The following TECPR2 variants were observed in gnomAD, a reference collection of about 807,000 sequenced individuals.
The protein encoded by TECPR2 is tectonin beta-propeller repeat containing 2, also known as tectonin beta-propeller repeat-containing protein 2.
A neutral mutation model predicts 138.1 loss-of-function variants in TECPR2; 65 were observed. That is an observed-to-expected ratio of 0.47 (90% CI 0.39 to 0.58). TECPR2 has a LOEUF of 0.58. TECPR2 is among the 20% of genes least tolerant of loss of function. The pLI, the probability that TECPR2 is intolerant of heterozygous loss-of-function variation, is 0.00. For synonymous variants in TECPR2, 746 were observed against 749.8 expected, an observed-to-expected ratio of 0.99 and a Z score of 0.08; for missense variants, 1,553 against 1,824.5, an observed-to-expected ratio of 0.85 and a Z score of 2.71.
intron 16 of TECPR2, among the ~76,000 whole-genome samples, chr14:102,464,892 G>A (rs1890512808): frequency 1.3e-5 from 2 of 152,164 alleles, no homozygotes. Context: ...GCCGTGTGGC[G>A]CCTGGCAGGT....
chr14:102,443,767 A>ACCGGGAGGGCGTGAGCAGCTTCTGT lies in TECPR2; in HGVS notation c.2878_2902dup (p.Glu968GlyfsTer16). 6.2e-7 allele frequency: 1 copy of ACCGGGAGGGCGTGAGCAGCTTCTGT among 1,609,872 alleles called. No individual in the cohort carries two copies. Among genetic ancestry groups the ACCGGGAGGGCGTGAGCAGCTTCTGT allele is most frequent in the Non-Finnish European group, 8.5e-7 (1 of 1,176,958 alleles). ...CTGACAGAGCAGAGGGCCCTCCTGT[A>ACCGGGAGGGCGTGAGCAGCTTCTGT]CCGGGAGGGCGTGAGCAGCTTCTGT... On this transcript the variant is annotated frameshift_variant, in exon 12 of 20. Transcript: ENST00000359520. LOFTEE classifies it high-confidence loss of function. This position sits in a 1 kb window ranked among gnomAD's most constrained non-coding sequence, Gnocchi z 4.9.
chr14:102,416,116 C>T (rs1295541205), intron 5 of TECPR2, among the ~76,000 whole-genome samples: 2 of 152,052 alleles, frequency 1.3e-5, no homozygotes. Flanking sequence ...CTTCTTTTTT[C>T]TTTTTCTTTT....
At chr14:102,494,654 G>A (rs1891234143) in intron 17 of TECPR2, among the ~76,000 whole-genome samples, 1 of 151,230 alleles carries the variant, frequency 6.6e-6, no homozygotes, top group Admixed American at 6.6e-5. Flanking sequence ...GAGAAACCCC[G>A]TCTCTACTAA....
At chr14:102,410,718 T>G (rs910849166) in intron 4 of TECPR2, among the ~76,000 whole-genome samples, 2 of 152,200 alleles carry the variant, frequency 1.3e-5, no homozygotes, top group East Asian at 3.8e-4. Flanking sequence ...AAAAAAAACT[T>G]GTCATCCCTA....
At chr14:102,457,822 A>T (rs917683293) in intron 16 of TECPR2, among the ~76,000 whole-genome samples, 7 of 148,596 alleles carry the variant, frequency 4.7e-5, no homozygotes, top group Non-Finnish European at 4.4e-5. Context: ...GCCTCCCCCA[A>T]TTGTGCTCTT....
intron 4 of TECPR2, among the ~76,000 whole-genome samples, chr14:102,411,214 C>T (rs1410818847): frequency 1.3e-5 from 2 of 152,278 alleles, no homozygotes; most frequent in African/African-American, 4.8e-5. Flanking sequence ...CATACCACCC[C>T]CCAAAAATTT....
intron 1 of TECPR2, among the ~76,000 whole-genome samples, chr14:102,371,992 G>A (rs1887519262): frequency 6.6e-6 from 1 of 151,966 alleles, no homozygotes; most frequent in East Asian, 1.9e-4. Context: ...TTACTTCTTT[G>A]TCCTTTTATT....
chr14:102,469,852 T>C (rs1428379269), intron 17 of TECPR2, among the ~76,000 whole-genome samples: 2 of 152,226 alleles, frequency 1.3e-5, no homozygotes, highest in Non-Finnish European at 1.5e-5. Flanking sequence ...ATTGAGATGG[T>C]CATCTGGTTT....
In TECPR2 at chr14:102,434,413, T is replaced by G. The variant is rs1169469467; in HGVS notation, c.1596T>G (p.Gly532=). The G allele has an allele frequency of 6.5e-7, 1 of 1,528,508 alleles. No homozygotes were observed. The highest frequency in any genetic ancestry group is 1.4e-5 in the African/African-American group (1 of 72,076). The allele number at this position is 1,528,508 out of a possible 1,614,324, so 94.7% of individuals were successfully genotyped here. ...CAGACCAGGAAAGCAGCTTCAATGG[T>G]GAAGTGAACGGTGTCCCACAGGAAA... ...ESPDQESSFN[G]EVNGVPQENT... is the part of the protein sequence containing the mutation. Residue 532 remains glycine, a synonymous_variant, in exon 9 of 20, where the codon GGT becomes GGG. Transcript: ENST00000359520.
At chr14:102,462,617 C>T (rs955310287) in intron 16 of TECPR2, among the ~76,000 whole-genome samples, 14 of 152,202 alleles carry the variant, frequency 9.2e-5, no homozygotes, top group African/African-American at 3.1e-4. Context: ...GGTGGTACCT[C>T]CCGATTCTGC....
chr14:102,431,368 A>C (rs1348460867), intron 7 of TECPR2, among the ~76,000 whole-genome samples: 1 of 102,470 alleles, frequency 9.8e-6, no homozygotes, highest in Non-Finnish European at 1.9e-5. Context: ...TTTGAGACGG[A>C]GTCTCACTGT....
intron 17 of TECPR2, among the ~76,000 whole-genome samples, chr14:102,483,956 CTGGCTGATTCTTATATTTTCAGTAGAG>C (rs1890958890): frequency 1.3e-5 from 1 of 78,920 alleles, no homozygotes; most frequent in African/African-American, 6.2e-5. Flanking sequence ...GCCACCATGC[CTGGCTGATTCTTATATTTTCAGTAGAG>C]ACAAGGTTTC....
Position 102,434,231 on chromosome 14 carries a change from T to A in TECPR2, c.1418-4T>A. ...TTATTTTGAATGTTCTTATTCTGAATTAGAAGGTGGAAGCAGGAGCACCTG... is the reference window on the plus strand; with the variant it reads ...TTATTTTGAATGTTCTTATTCTGAAATAGAAGGTGGAAGCAGGAGCACCTG... On this transcript the variant is annotated splice_polypyrimidine_tract_variant and splice_region_variant and intron_variant, in intron 8 of 19. Coordinates refer to ENST00000359520, the MANE Select transcript of TECPR2 (RefSeq NM_014844.5). 7.3e-7 allele frequency: 1 copy of A among 1,365,076 alleles called. No individual in the cohort carries two copies. Among genetic ancestry groups the A allele is most frequent in the Non-Finnish European group, 9.5e-7 (1 of 1,052,366 alleles). The allele number at this position is 1,365,076 out of a possible 1,614,324, so 84.6% of individuals were successfully genotyped here.
At chr14:102,473,450 CTTTGT>C (rs1321199139) in intron 17 of TECPR2, among the ~76,000 whole-genome samples, 1 of 152,194 alleles carries the variant, frequency 6.6e-6, no homozygotes, top group Non-Finnish European at 1.5e-5. Flanking sequence ...CATCTTTCCA[CTTTGT>C]TTTATTTGTT....
chr14:102,442,398 G>T (rs977420042), intron 11 of TECPR2, among the ~76,000 whole-genome samples: 1 of 152,200 alleles, frequency 6.6e-6, no homozygotes, highest in African/African-American at 2.4e-5. Flanking sequence ...AGCCATGCTG[G>T]CTTCATAGGC....
chr14:102,383,957 G>A (rs989652172), intron 2 of TECPR2, among the ~76,000 whole-genome samples: 3 of 139,930 alleles, frequency 2.1e-5, no homozygotes, highest in Non-Finnish European at 4.6e-5. Flanking sequence ...TTTCGCTCTT[G>A]TTGCCTAGCC....
rs1370960480 is a variant in TECPR2, at chr14:102,498,173, C to T, written c.4152C>T (p.Phe1384=). The part of the protein sequence containing the change: ...GYLLQRLTKT[F]SHSHGTQKSS... ...TCCTCCAACGGCTGACAAAGACGTT[C>T]AGCCACTCGCACGGCACCCAGAAGA... Residue 1384 remains phenylalanine, a synonymous_variant, in exon 20 of 20, where the codon TTC becomes TTT. Coordinates refer to ENST00000359520, the MANE Select transcript of TECPR2 (RefSeq NM_014844.5). 6.2e-7 allele frequency: 1 copy of T among 1,612,344 alleles called. No homozygotes were observed. The highest frequency in any genetic ancestry group is 1.7e-5 in the Admixed American group (1 of 60,026).
intron 7 of TECPR2, among the ~76,000 whole-genome samples, chr14:102,430,977 A>C (rs1484154333): frequency 6.6e-6 from 1 of 151,880 alleles, no homozygotes; most frequent in African/African-American, 2.4e-5. Flanking sequence ...ATTTGTAAAT[A>C]ATTTGTAAAT....
Position 102,438,270 on chromosome 14 carries a change from G to A in TECPR2, c.2578+65G>A. The stretch of plus-strand genomic sequence containing the variant: ...CTCGCCGCTCCTGCTCCCCGCCCCC[G>A]GGGTGCAGACATCTTAGTACAGGGC... On this transcript the variant is annotated intron_variant, in intron 10 of 19. Transcript: ENST00000359520. 5.3e-6 allele frequency: 8 copies of A among 1,517,424 alleles called. No individual in the cohort carries two copies. In the Admixed American group the frequency reaches 9.5e-5, roughly 18 times the overall value. The allele number at this position is 1,517,424 out of a possible 1,614,324, so 94.0% of individuals were successfully genotyped here.
Sources: allele counts gnomAD v4.1 joint callset (sites outside exome capture counted in the v4.1 genomes callset), GRCh38; gene constraint gnomAD v4.1.1; non-coding constraint Gnocchi (gnomAD v3.1); transcripts MANE v1.5; gene names NCBI Gene and HGNC (gene_info 2026-07-23, HGNC 2026-07-21).